The following WWOX variants were observed in gnomAD, a reference collection of about 807,000 sequenced individuals.
WWOX encodes WW domain-containing oxidoreductase.
A neutral mutation model predicts 46.2 loss-of-function variants in WWOX; 69 were observed. The ratio of observed to expected loss-of-function variants is 1.49; its 90% CI spans 1.23 to 1.82. The LOEUF (loss-of-function observed/expected upper bound fraction) is 1.82. Ranked by LOEUF, WWOX falls within the 40% of genes most tolerant of loss-of-function variation. The probability of loss-of-function intolerance (pLI) is 0.00; values close to 1 mark genes in which losing one functional copy is unlikely to be tolerated. For synonymous variants in WWOX, 359 were observed against 202.6 expected, an observed-to-expected ratio of 1.77 and a Z score of -6.56; for missense variants, 919 against 542.6, an observed-to-expected ratio of 1.69 and a Z score of -6.89.
At chr16:78,726,333 T>C (rs988777987) in intron 8 of WWOX, among the ~76,000 whole-genome samples, 14 of 151,752 alleles carry the variant, frequency 9.2e-5, no homozygotes, top group South Asian at 2.1e-4. Flanking sequence ...CAAGTGATCT[T>C]CCCCACCTCA....
At chr16:79,106,194 C>T (rs1014500427) in intron 8 of WWOX, among the ~76,000 whole-genome samples, 1 of 152,188 alleles carries the variant, frequency 6.6e-6, no homozygotes, top group Non-Finnish European at 1.5e-5. Context: ...GCAAGCCTTC[C>T]AAGAGACTTC....
intron 8 of WWOX, among the ~76,000 whole-genome samples, chr16:78,778,854 G>C (rs1359678442): frequency 6.6e-6 from 1 of 152,122 alleles, no homozygotes; most frequent in Non-Finnish European, 1.5e-5. Flanking sequence ...TCTCCTCCTA[G>C]AAGAAACACC....
At chr16:78,261,157 A>G (rs530462681) in intron 5 of WWOX, among the ~76,000 whole-genome samples, 20 of 151,004 alleles carry the variant, frequency 1.3e-4, no homozygotes, top group Non-Finnish European at 2.8e-4. Context: ...ACATTTTAGC[A>G]TAGAATGTTT....
intron 6 of WWOX, among the ~76,000 whole-genome samples, chr16:78,423,183 C>T (rs578058360): frequency 1.3e-5 from 2 of 152,086 alleles, no homozygotes; most frequent in Non-Finnish European, 2.9e-5. Flanking sequence ...CCATGCCTGC[C>T]CTTATTTTTA....
At chr16:78,617,135 G>A (rs2046045148) in intron 8 of WWOX, among the ~76,000 whole-genome samples, 1 of 152,154 alleles carries the variant, frequency 6.6e-6, no homozygotes, top group Non-Finnish European at 1.5e-5. Flanking sequence ...TGATAGGCCT[G>A]TTGTGGTGGC....
chr16:78,976,898 C>T (rs370780870), intron 8 of WWOX, among the ~76,000 whole-genome samples: 17 of 152,192 alleles, frequency 1.1e-4, no homozygotes, highest in African/African-American at 3.9e-4. Context: ...CTCCACCTCC[C>T]ATGCCCTTTT....
chr16:78,519,829 T>G (rs984665484), intron 8 of WWOX, among the ~76,000 whole-genome samples: 2 of 152,128 alleles, frequency 1.3e-5, no homozygotes, highest in Non-Finnish European at 2.9e-5. Flanking sequence ...ATCTTGAACT[T>G]CCAGCCCCCA....
chr16:78,241,295 T>TA (rs1555507853), intron 5 of WWOX: 3 of 152,064 alleles, frequency 2.0e-5, no homozygotes, highest in African/African-American at 7.3e-5. Context: ...TGTTTTTTTT[T>TA]CCCCTTCTCT....
chr16:78,774,519 T>C (rs866507245), intron 8 of WWOX, among the ~76,000 whole-genome samples: 1 of 102,534 alleles, frequency 9.8e-6, no homozygotes, highest in African/African-American at 3.2e-5. Context: ...TGTGTGTGTG[T>C]GTGTGTGTGT....
intron 8 of WWOX, among the ~76,000 whole-genome samples, chr16:78,532,624 A>G (rs939988022): frequency 6.6e-6 from 1 of 152,212 alleles, no homozygotes; most frequent in African/African-American, 2.4e-5. Flanking sequence ...AAAAAGGTTT[A>G]TTGGACTTAC....
chr16:78,162,622 T>G (rs1706210657), intron 4 of WWOX, among the ~76,000 whole-genome samples: 1 of 152,092 alleles, frequency 6.6e-6, no homozygotes, highest in Admixed American at 6.6e-5. Context: ...GGATACTTCT[T>G]TTTTTGGCCG....
chr16:79,135,514 C>G (rs947180688), intron 8 of WWOX, among the ~76,000 whole-genome samples: 1 of 152,134 alleles, frequency 6.6e-6, no homozygotes, highest in Admixed American at 6.5e-5. Flanking sequence ...TATTTCTAAT[C>G]TTTGCATATT....
intron 8 of WWOX, among the ~76,000 whole-genome samples, chr16:79,195,070 G>C (rs1214636039): frequency 6.6e-6 from 1 of 152,118 alleles, no homozygotes; most frequent in South Asian, 2.1e-4. Context: ...GGTCATTCCG[G>C]ATGGCTAAAG....
At chr16:78,836,482 G>T (rs977497715) in intron 8 of WWOX, among the ~76,000 whole-genome samples, 1 of 152,146 alleles carries the variant, frequency 6.6e-6, no homozygotes, top group Non-Finnish European at 1.5e-5. Context: ...TCTTCTAGTA[G>T]GATCTCACAT....
At chr16:79,156,999 T>C (rs755834515) in intron 8 of WWOX, among the ~76,000 whole-genome samples, 2 of 152,210 alleles carry the variant, frequency 1.3e-5, no homozygotes, top group East Asian at 3.9e-4. Flanking sequence ...CTGGCCCTTG[T>C]TGTAGAAGAA....
chr16:78,508,330 T>C, intron 8 of WWOX, among the ~76,000 whole-genome samples: 1 of 71,966 alleles, frequency 1.4e-5, no homozygotes, highest in Non-Finnish European at 3.3e-5. Flanking sequence ...TTTTTTTTTT[T>C]TTTTTTTTTT....
intron 8 of WWOX, among the ~76,000 whole-genome samples, chr16:78,465,701 AT>A (rs2084059282): frequency 6.6e-6 from 1 of 152,184 alleles, no homozygotes; most frequent in Non-Finnish European, 1.5e-5. Flanking sequence ...AATTTAGCAT[AT>A]TTCCTTTTAA....
intron 8 of WWOX, among the ~76,000 whole-genome samples, chr16:79,014,533 A>G (rs900938113): frequency 3.9e-5 from 6 of 152,200 alleles, no homozygotes; most frequent in African/African-American, 7.2e-5. Context: ...AGATTTTTCA[A>G]TTCCAGAGAT....
chr16:78,619,216 T>A (rs1488144804), intron 8 of WWOX, among the ~76,000 whole-genome samples: 1 of 82,032 alleles, frequency 1.2e-5, no homozygotes, highest in African/African-American at 4.8e-5. Flanking sequence ...TATATATATG[T>A]AGCCATGCAT....
Sources: allele counts gnomAD v4.1 joint callset (sites outside exome capture counted in the v4.1 genomes callset), GRCh38; gene constraint gnomAD v4.1.1; transcripts MANE v1.5; gene names NCBI Gene and HGNC (gene_info 2026-07-23, HGNC 2026-07-21).